The following PRKG1 variants were observed in gnomAD, a reference collection of about 807,000 sequenced individuals.
The protein encoded by PRKG1 is cGMP-dependent protein kinase 1.
In PRKG1, 35 loss-of-function variants were observed where a neutral mutation model predicts 88.1. That is an observed-to-expected ratio of 0.40 (90% CI 0.30 to 0.53). The LOEUF (loss-of-function observed/expected upper bound fraction) is 0.53. PRKG1 is among the 20% of genes least tolerant of loss of function. The pLI is 0.59. For synonymous variants in PRKG1, 303 were observed against 292.5 expected, an observed-to-expected ratio of 1.04 and a Z score of -0.37; for missense variants, 540 against 839.8, an observed-to-expected ratio of 0.64 and a Z score of 4.41.
intron 2 of PRKG1, among the ~76,000 whole-genome samples, chr10:51,174,649 G>A (rs1160496328): frequency 6.6e-6 from 1 of 151,972 alleles, no homozygotes; most frequent in Non-Finnish European, 1.5e-5. Flanking sequence ...ATGTTTTTGA[G>A]TCCGTTGTGG....
chr10:51,173,498 G>A (rs9299471), intron 2 of PRKG1, among the ~76,000 whole-genome samples: 9,965 of 151,728 alleles, frequency 0.066, 689 homozygotes, highest in African/African-American at 0.17. Context: ...ACAAAACTAT[G>A]TGTAAAACTG....
intron 5 of PRKG1, chr10:51,909,157 G>C (rs941184876): frequency 2.0e-5 from 3 of 152,218 alleles, no homozygotes; most frequent in African/African-American, 4.8e-5. Context: ...GAAGGATGGA[G>C]TTGTTATGAA....
At chr10:51,349,501 TATGTGTCCTTTTTTTTTTTTTTTTAG>T (rs1228719146) in intron 2 of PRKG1, among the ~76,000 whole-genome samples, 1 of 151,186 alleles carries the variant, frequency 6.6e-6, no homozygotes, top group Non-Finnish European at 1.5e-5. Context: ...TGTGTATGTG[TATGTGTCCTTTTTTTTTTTTTTTTAG>T]ATGAAGTCTT....
intron 3 of PRKG1, among the ~76,000 whole-genome samples, chr10:51,764,139 G>T (rs1022947292): frequency 1.3e-5 from 2 of 152,058 alleles, no homozygotes; most frequent in Non-Finnish European, 2.9e-5. Flanking sequence ...TTTCCTTCAG[G>T]ATTACAGGCT....
At chr10:52,291,783 G>A (rs1396646537) in intron 17 of PRKG1, among the ~76,000 whole-genome samples, 1 of 151,822 alleles carries the variant, frequency 6.6e-6, no homozygotes, top group Non-Finnish European at 1.5e-5. Flanking sequence ...TGGGATGGCT[G>A]GGTCAAATGG....
intron 3 of PRKG1, among the ~76,000 whole-genome samples, chr10:51,755,126 C>A (rs1249021395): frequency 1.3e-5 from 2 of 151,956 alleles, no homozygotes; most frequent in African/African-American, 4.8e-5. Flanking sequence ...ACTGAGTTAA[C>A]CAATTCTGAA....
chr10:51,319,221 G>T (rs1841394191), intron 2 of PRKG1, among the ~76,000 whole-genome samples: 1 of 152,154 alleles, frequency 6.6e-6, no homozygotes, highest in South Asian at 2.1e-4. Context: ...ACGGACTTGG[G>T]CCAAGTCAGT....
At chr10:51,146,802 T>G (rs1845957538) in intron 1 of PRKG1, among the ~76,000 whole-genome samples, 1 of 152,092 alleles carries the variant, frequency 6.6e-6, no homozygotes, top group Non-Finnish European at 1.5e-5. Context: ...GGGTATTTAT[T>G]CAAAGGAAAG....
chr10:52,123,187 G>T lies in PRKG1; in HGVS notation c.936-10653G>T, dbSNP rs560316952. Among the ~76,000 whole-genome samples the T allele has an allele frequency of 2.6e-5, 4 of 152,164 alleles. No individual in the cohort carries two copies. The East Asian group carries it at 7.7e-4, about 29-fold the overall frequency. ...ATGCTATCAACCCAGCAGAAGTAATGAAAAAAATGTGAAAATTGAATTCTT... is the reference window on the plus strand; with the variant it reads ...ATGCTATCAACCCAGCAGAAGTAATTAAAAAAATGTGAAAATTGAATTCTT... On this transcript the variant is annotated intron_variant, in intron 7 of 17. Coordinates refer to ENST00000373980, the MANE Select transcript of PRKG1 (RefSeq NM_006258.4).
At chr10:51,022,403 A>T (rs1843150886) in intron 1 of PRKG1, among the ~76,000 whole-genome samples, 1 of 152,128 alleles carries the variant, frequency 6.6e-6, no homozygotes, top group Admixed American at 6.6e-5. Flanking sequence ...CCTTGTTCAG[A>T]TCCATTTCAC....
intron 5 of PRKG1, among the ~76,000 whole-genome samples, chr10:52,043,030 C>T (rs1191101341): frequency 2.0e-5 from 3 of 152,018 alleles, no homozygotes; most frequent in Non-Finnish European, 4.4e-5. Flanking sequence ...TGAGATTTCA[C>T]CTCACTCCAG....
chr10:51,376,427 A>G (rs1367475893), intron 2 of PRKG1, among the ~76,000 whole-genome samples: 1 of 152,236 alleles, frequency 6.6e-6, no homozygotes, highest in African/African-American at 2.4e-5. Context: ...CCATATTGGT[A>G]TATCAAAAAT....
At chr10:51,098,852 T>A (rs907628698) in intron 1 of PRKG1, among the ~76,000 whole-genome samples, 3 of 152,142 alleles carry the variant, frequency 2.0e-5, no homozygotes, top group African/African-American at 7.2e-5. Flanking sequence ...CCACTCTTCT[T>A]TAGCGAACTT....
At chr10:51,712,782 G>T (rs1841791331) in intron 3 of PRKG1, among the ~76,000 whole-genome samples, 1 of 151,248 alleles carries the variant, frequency 6.6e-6, no homozygotes. Flanking sequence ...GTAGAGACGG[G>T]GTTTCACCAT....
At chr10:51,376,131 T>G (rs1353588292) in intron 2 of PRKG1, among the ~76,000 whole-genome samples, 1 of 152,220 alleles carries the variant, frequency 6.6e-6, no homozygotes, top group Admixed American at 6.5e-5. Context: ...TATCCAAATT[T>G]GGGTTGAGTT....
intron 5 of PRKG1, among the ~76,000 whole-genome samples, chr10:51,949,778 G>A (rs1209587737): frequency 4.6e-5 from 7 of 152,136 alleles, no homozygotes; most frequent in Non-Finnish European, 1.0e-4. Flanking sequence ...ATTAAATCAT[G>A]TTTACATGAA....
At chr10:52,076,112 T>A (rs1399682554) in intron 7 of PRKG1, among the ~76,000 whole-genome samples, 1 of 152,196 alleles carries the variant, frequency 6.6e-6, no homozygotes, top group African/African-American at 2.4e-5. Context: ...TGAACTTGAA[T>A]CCATACCTTG....
chr10:51,042,991 C>T (rs1282935869), intron 1 of PRKG1, among the ~76,000 whole-genome samples: 2 of 152,184 alleles, frequency 1.3e-5, no homozygotes, highest in East Asian at 1.9e-4. Flanking sequence ...TCTTGAACTT[C>T]TGAGCCTCCA....
chr10:52,225,062 T>A (rs1026487244), intron 9 of PRKG1, among the ~76,000 whole-genome samples: 1 of 152,058 alleles, frequency 6.6e-6, no homozygotes, highest in Non-Finnish European at 1.5e-5. Context: ...ATCTCCACCC[T>A]GTTTTCCATA....
Sources: gnomAD v4.1 joint callset for allele counts (sites outside exome capture counted in the v4.1 genomes callset) on GRCh38, gnomAD v4.1.1 for gene constraint, MANE v1.5 for transcripts, NCBI Gene and HGNC (gene_info 2026-07-23, HGNC 2026-07-21) for gene names.